MEMO1: variants seen among roughly 807,000 people sequenced by gnomAD.
The protein encoded by MEMO1 is protein MEMO1.
Under a neutral mutation model 45.2 loss-of-function variants are expected in MEMO1, and 6 were observed. That is an observed-to-expected ratio of 0.13 (90% confidence interval 0.07 to 0.26). The LOEUF (loss-of-function observed/expected upper bound fraction) is 0.26, where lower values mean the gene tolerates loss of function less well. Among genes scored for constraint, MEMO1 ranks in the 10% least tolerant of loss-of-function variants. The pLI is 1.00. For synonymous variants in MEMO1, 78 were observed against 124.3 expected, an observed-to-expected ratio of 0.63 and a Z score of 2.48; for missense variants, 184 against 370.5, an observed-to-expected ratio of 0.50 and a Z score of 4.13.
intron 6 of MEMO1, among the ~76,000 whole-genome samples, chr2:31,912,436 C>T (rs1680708839): frequency 6.6e-6 from 1 of 150,568 alleles, no homozygotes; most frequent in Non-Finnish European, 1.5e-5. Context: ...TCACCTGAAC[C>T]CAGGAGGCGG....
chr2:32,003,616 T>C (rs1452506713), intron 2 of MEMO1, among the ~76,000 whole-genome samples: 1 of 152,170 alleles, frequency 6.6e-6, no homozygotes, highest in Non-Finnish European at 1.5e-5. Context: ...AAATGAAGTA[T>C]AGATCTAAAC....
intron 4 of MEMO1, among the ~76,000 whole-genome samples, chr2:31,928,079 T>A (rs77651862): frequency 3.8e-4 from 58 of 152,366 alleles, no homozygotes; most frequent in African/African-American, 1.4e-3. Context: ...TTAAAATAAA[T>A]ATGCTTTAAT....
At chr2:31,974,939 G>A (rs1669831100) in intron 2 of MEMO1, among the ~76,000 whole-genome samples, 1 of 152,116 alleles carries the variant, frequency 6.6e-6, no homozygotes, top group African/African-American at 2.4e-5. Flanking sequence ...GAGAGGCCGA[G>A]GCAAGTGGAT....
At chr2:32,002,168 A>AAAAAAAT (rs1553383012) in intron 2 of MEMO1, among the ~76,000 whole-genome samples, 1 of 74,906 alleles carries the variant, frequency 1.3e-5, no homozygotes, top group Non-Finnish European at 2.4e-5. Context: ...AAAAAAAAAA[A>AAAAAAAT]ATATATATAT....
intron 6 of MEMO1, among the ~76,000 whole-genome samples, chr2:31,893,472 A>G (rs1374597931): frequency 6.6e-6 from 1 of 152,204 alleles, no homozygotes; most frequent in Non-Finnish European, 1.5e-5. Flanking sequence ...AAAAGAATTA[A>G]TTATTCTAAC....
chr2:31,998,849 T>C (rs1672923083), intron 2 of MEMO1, among the ~76,000 whole-genome samples: 1 of 152,118 alleles, frequency 6.6e-6, no homozygotes, highest in African/African-American at 2.4e-5. Flanking sequence ...TCTCCACTTT[T>C]AAATCTCCAG....
rs527520544 is a variant in MEMO1 at position 32,001,898 on chromosome 2, AGCGCCTTGGG to A, written c.61+8279_61+8288del. On this transcript the variant is annotated intron_variant, in intron 2 of 9. Transcript: ENST00000404530. ...CGTGGTGGCTCACACCTGCAATCCCAGCGCCTTGGGAGGCCAAGGAGGGTGGATCACAAGG... is the reference window on the plus strand; with the variant it reads ...CGTGGTGGCTCACACCTGCAATCCCAAGGCCAAGGAGGGTGGATCACAAGG... Among the ~76,000 whole-genome samples, 457 of 152,152 alleles carry A rather than the reference AGCGCCTTGGG, an allele frequency of 3.0e-3. 2 individuals carry two copies. Among genetic ancestry groups the A allele is most frequent in the African/African-American group, 0.01 (433 of 41,504 alleles).
intron 2 of MEMO1, among the ~76,000 whole-genome samples, chr2:32,005,746 C>A (rs1673986492): frequency 6.6e-6 from 1 of 152,156 alleles, no homozygotes; most frequent in Non-Finnish European, 1.5e-5. Flanking sequence ...TAATTATACG[C>A]CTACTATATG....
intron 2 of MEMO1, among the ~76,000 whole-genome samples, chr2:31,982,938 G>T (rs1036142063): frequency 6.6e-6 from 1 of 151,946 alleles, no homozygotes; most frequent in Non-Finnish European, 1.5e-5. Flanking sequence ...ACAAACTCAT[G>T]TTAAGTTTAA....
At position 31,943,396 on chromosome 2, in the gene MEMO1, A is replaced by G. The variant is rs1665839605; in HGVS notation, c.62-13T>C. On this transcript the variant is annotated splice_polypyrimidine_tract_variant and intron_variant, in intron 2 of 9. Coordinates refer to ENST00000404530, the MANE Select transcript of MEMO1 (RefSeq NM_001301833.4). ...TTCAGCTGCGGTCCTATAAAAAGACAAAGACAAAATTAGAGTCAGCAAAGC... is the reference window on the plus strand; with the variant it reads ...TTCAGCTGCGGTCCTATAAAAAGACGAAGACAAAATTAGAGTCAGCAAAGC... 5.0e-6 allele frequency: 8 copies of G among 1,604,802 alleles called. No individual in the cohort carries two copies. Among genetic ancestry groups the G allele is most frequent in the Non-Finnish European group, 6.8e-6 (8 of 1,171,620 alleles).
chr2:31,896,514 AAG>A (rs1354588431), intron 6 of MEMO1, among the ~76,000 whole-genome samples: 2 of 152,216 alleles, frequency 1.3e-5, no homozygotes, highest in East Asian at 3.9e-4. Flanking sequence ...TTATTTACAA[AAG>A]TAGGCTGTGG....
At chr2:31,983,869 A>G (rs575913197) in intron 2 of MEMO1, among the ~76,000 whole-genome samples, 20 of 152,380 alleles carry the variant, frequency 1.3e-4, no homozygotes, top group Middle Eastern at 3.4e-3. Context: ...AGAGTGCTTA[A>G]AAGTCCAAAG....
chr2:32,002,730 A>C (rs1405504616), intron 2 of MEMO1, among the ~76,000 whole-genome samples: 1 of 152,226 alleles, frequency 6.6e-6, no homozygotes, highest in Non-Finnish European at 1.5e-5. Flanking sequence ...TATGAAATAT[A>C]CTTAATGAAA....
intron 2 of MEMO1, among the ~76,000 whole-genome samples, chr2:31,957,626 A>C (rs1186137647): frequency 2.0e-5 from 3 of 152,230 alleles, no homozygotes; most frequent in Non-Finnish European, 4.4e-5. Context: ...TGGTAGAAAG[A>C]AGCAGAGAAC....
intron 6 of MEMO1, among the ~76,000 whole-genome samples, chr2:31,899,436 A>G (rs916110347): frequency 2.0e-5 from 3 of 152,256 alleles, no homozygotes; most frequent in African/African-American, 2.4e-5. Flanking sequence ...CAATGGGGAA[A>G]TGATTCCCTA....
At chr2:31,985,678 T>G (rs1432705689) in intron 2 of MEMO1, among the ~76,000 whole-genome samples, 1 of 152,264 alleles carries the variant, frequency 6.6e-6, no homozygotes, top group African/African-American at 2.4e-5. Flanking sequence ...ACATGGCTTT[T>G]AACAATTGTT....
At position 31,883,141 on chromosome 2, in the gene MEMO1, G is replaced by A. The variant is rs868864193; in HGVS notation, c.657+245C>T. ...TAAAGCTAAAGTACTTCTCTAGAAA[G>A]TATTTTAAATCCGTATATATTATTC... is the stretch of plus-strand genomic sequence containing the variant. On this transcript the variant is annotated intron_variant, in intron 8 of 9. Transcript: ENST00000404530. 2.0e-5 allele frequency among the ~76,000 whole-genome samples: 3 copies of A among 152,192 alleles called. No individual in the cohort carries two copies. The Middle Eastern group carries it at 0.01, about 518-fold the overall frequency.
At chr2:31,895,675 A>C (rs72859081) in intron 6 of MEMO1, among the ~76,000 whole-genome samples, 1 of 152,174 alleles carries the variant, frequency 6.6e-6, no homozygotes, top group African/African-American at 2.4e-5. Context: ...AACAGTAAAA[A>C]TATTACAAGA....
chr2:31,950,946 T>C (rs537791947), intron 2 of MEMO1, among the ~76,000 whole-genome samples: 1 of 152,354 alleles, frequency 6.6e-6, no homozygotes, highest in Non-Finnish European at 1.5e-5. Context: ...TCGTCCTTCA[T>C]ACCATTAAGA....
Sources: allele counts gnomAD v4.1 joint callset (sites outside exome capture counted in the v4.1 genomes callset), GRCh38; gene constraint gnomAD v4.1.1; transcripts MANE v1.5; gene names NCBI Gene and HGNC (gene_info 2026-07-23, HGNC 2026-07-21).